NECTIN1: variants seen among roughly 807,000 people sequenced by gnomAD.
NECTIN1 encodes nectin-1.
Under a neutral mutation model 48.0 loss-of-function variants are expected in NECTIN1, and 23 were observed. That is an observed-to-expected ratio of 0.48 (90% CI 0.34 to 0.68). NECTIN1 has a LOEUF of 0.68. Among genes scored for constraint, NECTIN1 ranks in the 30% least tolerant of loss-of-function variants. The probability of loss-of-function intolerance (pLI) is 0.01; values close to 1 mark genes in which losing one functional copy is unlikely to be tolerated. For synonymous variants in NECTIN1, 270 were observed against 288.9 expected (o/e 0.93, Z 0.66); for missense variants, 591 against 709.9 (o/e 0.83, Z 1.90).
intron 5 of NECTIN1, among the ~76,000 whole-genome samples, chr11:119,667,889 C>A (rs1864801227): frequency 1.3e-5 from 2 of 152,172 alleles, no homozygotes. Flanking sequence ...CAAACTGTGG[C>A]CCATGGAATC....
chr11:119,699,569 G>A (rs1221682119), intron 1 of NECTIN1, among the ~76,000 whole-genome samples: 2 of 152,216 alleles, frequency 1.3e-5, no homozygotes, highest in African/African-American at 4.8e-5. Context: ...AGGCCTGGCT[G>A]GAGTCACAGG....
Position 119,662,890 on chromosome 11 carries a change from C to T in NECTIN1, c.*1857G>A, listed in dbSNP as rs1591447360. 1.0e-6 allele frequency: 1 copy of T among 986,184 alleles called. No homozygotes were observed. Among genetic ancestry groups the T allele is most frequent in the African/African-American group, 1.7e-5 (1 of 57,382 alleles). 61.1% of individuals were successfully genotyped at this position (986,184 alleles called of 1,614,324 possible). On this transcript the variant is annotated 3_prime_UTR_variant, in exon 6 of 6. Coordinates refer to ENST00000264025, the MANE Select transcript of NECTIN1 (RefSeq NM_002855.5). The surrounding 1 kb of genome is among the most constrained non-coding windows in gnomAD (Gnocchi z 5.3). ...GGGCTGGCATGGCTTCAGACTTCTG[C>T]TACGTGGCTACTGGGCAGCCTGGGC... is the stretch of plus-strand genomic sequence containing the variant.
chr11:119,639,782 T>A (rs1467471099), intron 6 of NECTIN1: 13 of 1,586,836 alleles, frequency 8.2e-6, no homozygotes, highest in Non-Finnish European at 1.0e-5. Flanking sequence ...TTTCACAAGT[T>A]TAGGTGCTTT....
In NECTIN1 at chr11:119,664,384, T is replaced by C. The variant is rs549604693; in HGVS notation, c.*363A>G. On this transcript the variant is annotated 3_prime_UTR_variant, in exon 6 of 6. Coordinates refer to ENST00000264025, the MANE Select transcript of NECTIN1 (RefSeq NM_002855.5). ...GTGAAGAAACACAAACAAATTCCAG[T>C]GTAGGGGGGCGGGGGAGGCTGGCTC... The C allele has an allele frequency of 5.3e-5, 56 of 1,058,732 alleles. No homozygotes were observed. The African/African-American group carries it at 8.5e-4, about 16-fold the overall frequency. 65.6% of individuals were successfully genotyped at this position (1,058,732 alleles called of 1,614,324 possible). A position where few individuals can be genotyped will look rare whatever the true frequency, so the allele number is the denominator to read the frequency against.
In NECTIN1 at chr11:119,687,881, G is replaced by A. The variant is rs558208109; in HGVS notation, c.80-9116C>T. Among the ~76,000 whole-genome samples, 25 of 152,288 alleles carry A rather than the reference G, an allele frequency of 1.6e-4. No individual in the cohort carries two copies. The South Asian group carries it at 4.4e-3, about 27-fold the overall frequency. On this transcript the variant is annotated intron_variant, in intron 1 of 5. Coordinates refer to ENST00000264025, the MANE Select transcript of NECTIN1 (RefSeq NM_002855.5). ...TCCAGCTATGGGCAGCTGCCTGCTC[G>A]GATGGCCGGGGGGGTGAGTGGAAGG...
chr11:119,677,873 G>A lies in NECTIN1; in HGVS notation c.431-16C>T. ...GTGGGTTTGGCTGCGAGGAAGCAGA[G>A]AGAGTGATGGGACTAGCCCTGTTGA... On this transcript the variant is annotated splice_polypyrimidine_tract_variant and intron_variant, in intron 2 of 5. Transcript: ENST00000264025. The surrounding 1 kb of genome is among the most constrained non-coding windows in gnomAD (Gnocchi z 5.4). 1 of 1,612,690 alleles carries A rather than the reference G, an allele frequency of 6.2e-7. No homozygotes were observed. Among genetic ancestry groups the A allele is most frequent in the Non-Finnish European group, 8.5e-7 (1 of 1,179,128 alleles).
rs565357962 is a variant in NECTIN1 at position 119,664,432 on chromosome 11, A to G, written c.*315T>C. The stretch of plus-strand genomic sequence containing the variant: ...CTCCCCAAACCCTGGAGGGATGCCC[A>G]GGTACACAAGACGAGAACAGGGCTC... On this transcript the variant is annotated 3_prime_UTR_variant, in exon 6 of 6. Transcript: ENST00000264025. 588 of 1,143,226 alleles carry G rather than the reference A, an allele frequency of 5.1e-4. 5 individuals are homozygous for G. The African/African-American group carries it at 7.6e-3, about 15-fold the overall frequency. 70.8% of individuals were successfully genotyped at this position (1,143,226 alleles called of 1,614,324 possible). A position where few individuals can be genotyped will look rare whatever the true frequency, so the allele number is the denominator to read the frequency against.
chr11:119,638,543 G>A (rs1489558150), intron 7 of NECTIN1, among the ~76,000 whole-genome samples: 1 of 152,194 alleles, frequency 6.6e-6, no homozygotes, highest in African/African-American at 2.4e-5. Context: ...TGGGTAGGGA[G>A]AGTCCTAGGT....
rs1450810414 is a variant in NECTIN1 at position 119,662,100 on chromosome 11, T to C, written c.*2647A>G. 2.0e-6 allele frequency: 2 copies of C among 985,374 alleles called. No homozygotes were observed. Among genetic ancestry groups the C allele is most frequent in the South Asian group, 4.7e-5 (1 of 21,278 alleles). 61.0% of individuals were successfully genotyped at this position (985,374 alleles called of 1,614,324 possible). ...ACAGGGAGGGCAACAAGAGGCAGGA[T>C]GACAACTGGGGAGGCCTTGGCACAA... On this transcript the variant is annotated 3_prime_UTR_variant, in exon 6 of 6. Transcript: ENST00000264025. The surrounding 1 kb of genome is among the most constrained non-coding windows in gnomAD (Gnocchi z 5.3).
chr11:119,727,388 C>A lies in NECTIN1; in HGVS notation c.79+1087G>T, dbSNP rs59831047. On this transcript the variant is annotated intron_variant, in intron 1 of 5. Coordinates refer to ENST00000264025, the MANE Select transcript of NECTIN1 (RefSeq NM_002855.5). This position sits in a 1 kb window ranked among gnomAD's most constrained non-coding sequence, Gnocchi z 4.1. ...GACCACGTGCTCCAGTCAAGATCCG[C>A]CCCCCTCCCCAAAATCCCATCTTGC... 8.3e-3 allele frequency among the ~76,000 whole-genome samples: 1,268 copies of A among 152,158 alleles called. 15 individuals carry two copies. The highest frequency in any genetic ancestry group is 0.029 in the African/African-American group (1,192 of 41,514).
intron 1 of NECTIN1, among the ~76,000 whole-genome samples, chr11:119,724,798 T>C (rs1300599225): frequency 1.3e-5 from 2 of 152,214 alleles, no homozygotes; most frequent in East Asian, 1.9e-4. Flanking sequence ...TATACCTGTG[T>C]GCACACACAC....
chr11:119,640,428 C>T lies in NECTIN1; in HGVS notation c.1004-416G>A, dbSNP rs543828751. On this transcript the variant is annotated intron_variant, in intron 5 of 7. Coordinates refer to the NECTIN1 transcript ENST00000341398. ...AGCAAATGAACTAATGGGTGCTTCA[C>T]CCTCCCAGCTTGGGACAGAGGGTGA... 3.0e-5 allele frequency: 7 copies of T among 233,100 alleles called. No homozygotes were observed. In the East Asian group the frequency reaches 7.9e-4, roughly 26 times the overall value. 14.4% of individuals were successfully genotyped at this position (233,100 alleles called of 1,614,324 possible). A position where few individuals can be genotyped will look rare whatever the true frequency, so the allele number is the denominator to read the frequency against.
Position 119,663,336 on chromosome 11 carries a change from A to G in NECTIN1, c.*1411T>C, listed in dbSNP as rs1864700150. On this transcript the variant is annotated 3_prime_UTR_variant, in exon 6 of 6. Coordinates refer to ENST00000264025, the MANE Select transcript of NECTIN1 (RefSeq NM_002855.5). The stretch of plus-strand genomic sequence containing the variant: ...GGAGGGGTCTTCCTCCATTATATAC[A>G]TGGGAAGACCCAGTCTGGGGTGGCT... 2 of 985,264 alleles carry G rather than the reference A, an allele frequency of 2.0e-6. No individual in the cohort carries two copies. The highest frequency in any genetic ancestry group is 4.7e-5 in the South Asian group (1 of 21,290). 61.0% of individuals were successfully genotyped at this position (985,264 alleles called of 1,614,324 possible).
At chr11:119,707,347 T>G (rs976917578) in intron 1 of NECTIN1, among the ~76,000 whole-genome samples, 2 of 152,188 alleles carry the variant, frequency 1.3e-5, no homozygotes, top group African/African-American at 4.8e-5. Flanking sequence ...TTCTGTCTGC[T>G]GGGATCACCC....
intron 1 of NECTIN1, among the ~76,000 whole-genome samples, chr11:119,719,475 CAA>C (rs1865794116): frequency 6.6e-6 from 1 of 152,176 alleles, no homozygotes; most frequent in Admixed American, 6.5e-5. Flanking sequence ...TGACCCTGGG[CAA>C]GTTACCTAAG....
intron 5 of NECTIN1, among the ~76,000 whole-genome samples, chr11:119,648,888 G>T (rs893611178): frequency 6.6e-6 from 1 of 152,172 alleles, no homozygotes; most frequent in Non-Finnish European, 1.5e-5. Context: ...GGCTGGCAGG[G>T]CTCCGACACT....
intron 1 of NECTIN1, among the ~76,000 whole-genome samples, chr11:119,687,824 C>A (rs1413189204): frequency 3.3e-5 from 5 of 152,246 alleles, no homozygotes; most frequent in African/African-American, 9.6e-5. Context: ...GCCTGTGGGG[C>A]CACCCCAGCG....
At chr11:119,653,527 G>A (rs547290282) in intron 5 of NECTIN1, among the ~76,000 whole-genome samples, 1 of 152,292 alleles carries the variant, frequency 6.6e-6, no homozygotes, top group South Asian at 2.1e-4. Context: ...CTGGTGGGTC[G>A]TGGTGCGAGA....
At chr11:119,721,315 T>C (rs909724108) in intron 1 of NECTIN1, among the ~76,000 whole-genome samples, 3 of 152,146 alleles carry the variant, frequency 2.0e-5, no homozygotes, top group Non-Finnish European at 4.4e-5. Flanking sequence ...TTTCCAGCTT[T>C]GGGAAGCAAG....
Sources: gnomAD v4.1 joint callset for allele counts (sites outside exome capture counted in the v4.1 genomes callset) on GRCh38, gnomAD v4.1.1 for gene constraint, Gnocchi (gnomAD v3.1) non-coding constraint, MANE v1.5 for transcripts, NCBI Gene and HGNC (gene_info 2026-07-23, HGNC 2026-07-21) for gene names.